The following TMEM40 variants were observed in gnomAD, a reference collection of about 807,000 sequenced individuals.
TMEM40 encodes the protein transmembrane protein 40.
Under a neutral mutation model 40.8 loss-of-function variants are expected in TMEM40, and 34 were observed. That is an observed-to-expected ratio of 0.83 (90% CI 0.63 to 1.11). TMEM40 has a LOEUF of 1.11. TMEM40 is among the 50% of genes least tolerant of loss of function. TMEM40 has a pLI of 0.00. For missense variants in TMEM40, 296 were observed against 280.2 expected (o/e 1.06, Z -0.40); for synonymous variants, 106 against 107.0 (o/e 0.99, Z 0.06).
chr3:12,737,834 A>G (rs1171716103), intron 7 of TMEM40, 80 bp from the exon 8 acceptor site: 3 of 1,391,010 alleles, frequency 2.2e-6, no homozygotes, highest in Admixed American at 1.7e-5. Flanking sequence ...CCTCATTGAG[A>G]ATTAATATCC....
intron 1 of TMEM40, among the ~76,000 whole-genome samples, chr3:12,752,294 C>T (rs890840243): frequency 6.6e-6 from 1 of 152,136 alleles, no homozygotes; most frequent in African/African-American, 2.4e-5. Flanking sequence ...TAAGTAGGGA[C>T]TAAGGCTGAT....
At chr3:12,756,789 CTCTA>C (rs751655374) in intron 1 of TMEM40, among the ~76,000 whole-genome samples, 3 of 151,922 alleles carry the variant, frequency 2.0e-5, no homozygotes, top group Non-Finnish European at 2.9e-5. Context: ...CTCTCTCTCT[CTCTA>C]TCTCTTTCTC....
intron 1 of TMEM40, 89 bp downstream of exon 1, chr3:12,759,102 T>C (rs3773331): frequency 1.2e-4 from 19 of 152,106 alleles, no homozygotes; most frequent in African/African-American, 4.1e-4. Context: ...AACCACACAA[T>C]ATCAAGCCTA....
rs143283327 is a variant in TMEM40, at chr3:12,768,083, G to A, written c.-9+1168C>T. Among the ~76,000 whole-genome samples the A allele has an allele frequency of 5.5e-4, 83 of 152,180 alleles. No homozygotes were observed. In the East Asian group the frequency reaches 0.015, roughly 27 times the overall value. On this transcript the variant is annotated intron_variant, in intron 1 of 11. Transcript: ENST00000264728. ...TACAGTTCTTAAAGGCGGCGTGTTC[G>A]GAGTTTCTTCCTTCTGGTGGGTTCA...
At position 12,744,021 on chromosome 3, in the gene TMEM40, G is replaced by A. The variant is rs11920010; in HGVS notation, c.212-32C>T. ...GTAACAAACACAAGCTGTAGGAGAA[G>A]CTCAGCCTGGAACAAGCTGGGAATG... On this transcript the variant is annotated intron_variant, in intron 3 of 11. Transcript: ENST00000314124. The A allele has an allele frequency of 4.4e-3, 6,981 of 1,601,652 alleles. 121 individuals are homozygous for A. In the African/African-American group the frequency reaches 0.051, roughly 12 times the overall value.
chr3:12,769,344 G>T (rs971035673), exon 1 of TMEM40: 3 of 277,098 alleles, frequency 1.1e-5, no homozygotes, highest in Admixed American at 3.8e-5. Context: ...CCTCAAGTGC[G>T]GCCAGAGTGG....
chr3:12,760,212 T>C (rs1575747591), upstream of TMEM40, among the ~76,000 whole-genome samples: 1 of 152,132 alleles, frequency 6.6e-6, no homozygotes, highest in Non-Finnish European at 1.5e-5. Context: ...GCTCCCCGCC[T>C]CGCCCCTGGC....
intron 4 of TMEM40, among the ~76,000 whole-genome samples, chr3:12,743,329 TGGTGGCGCATGCCTGTAATCCTA>T (rs1487214572): frequency 6.6e-6 from 1 of 152,042 alleles, no homozygotes; most frequent in Non-Finnish European, 1.5e-5. Context: ...TAGCCAGGCA[TGGTGGCGCATGCCTGTAATCCTA>T]GCTACTTGGG....
At chr3:12,761,544 T>C (rs942994292), upstream of TMEM40, among the ~76,000 whole-genome samples, 4 of 151,426 alleles carry the variant, frequency 2.6e-5, no homozygotes, top group Admixed American at 2.0e-4. Flanking sequence ...AGGTGGAGGT[T>C]TCAGTGAGCA....
In TMEM40 at chr3:12,737,811, T is replaced by G. The variant is rs748612311; in HGVS notation, c.425-57A>C. The G allele has an allele frequency of 7.4e-5, 115 of 1,547,624 alleles. 1 individual carries two copies. Among genetic ancestry groups the G allele is most frequent in the Non-Finnish European group, 9.7e-5 (109 of 1,120,756 alleles). On this transcript the variant is annotated intron_variant, in intron 7 of 11. Transcript: ENST00000314124. ...TTTGATGCAGGACGGGAGGTGGGAT[T>G]TTCTTTTCCCTGCCTCATTGAGAAT...
At chr3:12,756,874 A>G (rs972615512) in intron 1 of TMEM40, among the ~76,000 whole-genome samples, 38 of 152,002 alleles carry the variant, frequency 2.5e-4, no homozygotes, top group African/African-American at 8.4e-4. Context: ...TCTCTCACAC[A>G]CACACATACA....
intron 8 of TMEM40, 124 bp from the exon 9 acceptor site, chr3:12,736,959 G>A: frequency 8.3e-7 from 1 of 1,211,722 alleles, no homozygotes; most frequent in Non-Finnish European, 1.2e-6. Flanking sequence ...GCTCATTGCA[G>A]CCTTGAAGTC....
chr3:12,751,209 C>T (rs750660167), intron 1 of TMEM40, among the ~76,000 whole-genome samples: 5 of 149,924 alleles, frequency 3.3e-5, no homozygotes, highest in Middle Eastern at 3.2e-3. Flanking sequence ...CTCCTCTTAC[C>T]CTTGGACATT....
At chr3:12,737,677 A>G in intron 8 of TMEM40, 30 bp downstream of exon 8, 1 of 1,612,666 alleles carries the variant, frequency 6.2e-7, no homozygotes, top group Non-Finnish European at 8.5e-7. Context: ...CAGACAGGAA[A>G]AAGCAGCTCT....
chr3:12,760,244 CA>C (rs1422247307), upstream of TMEM40, among the ~76,000 whole-genome samples: 2 of 152,124 alleles, frequency 1.3e-5, no homozygotes, highest in East Asian at 3.9e-4. Flanking sequence ...GCCAGGCAGC[CA>C]GGGGGTCCTG....
intron 8 of TMEM40, among the ~76,000 whole-genome samples, 195 bp from the exon 9 acceptor site, chr3:12,737,030 C>T (rs890224514): frequency 2.0e-5 from 3 of 152,070 alleles, no homozygotes; most frequent in African/African-American, 7.2e-5. Flanking sequence ...AAGTGCATGC[C>T]ACCACACCCA....
chr3:12,740,101 T>C (rs563342011), intron 5 of TMEM40, among the ~76,000 whole-genome samples: 1 of 147,768 alleles, frequency 6.8e-6, no homozygotes, highest in African/African-American at 2.5e-5. Context: ...ATTTATTTAT[T>C]TATTTATTTT....
chr3:12,755,977 C>T (rs2061524245), intron 1 of TMEM40, among the ~76,000 whole-genome samples: 1 of 152,176 alleles, frequency 6.6e-6, no homozygotes, highest in African/African-American at 2.4e-5. Context: ...AAAGTACAAA[C>T]AAGCAACAGG....
upstream of TMEM40, among the ~76,000 whole-genome samples, chr3:12,761,514 G>A (rs2061568627): frequency 6.6e-6 from 1 of 151,980 alleles, no homozygotes. Context: ...GCTGAGGTGG[G>A]AGGATCACTT....
Sources: gnomAD v4.1 joint callset for allele counts (sites outside exome capture counted in the v4.1 genomes callset) on GRCh38, gnomAD v4.1.1 for gene constraint, MANE v1.5 for transcripts, NCBI Gene and HGNC (gene_info 2026-07-23, HGNC 2026-07-21) for gene names.